The following PDGFD variants were observed in gnomAD, a reference collection of about 807,000 sequenced individuals.
The protein encoded by PDGFD is platelet-derived growth factor D.
PDGFD carries 30 observed loss-of-function variants against 44.7 expected under a neutral mutation model. The ratio of observed to expected loss-of-function variants is 0.67; its 90% CI spans 0.50 to 0.91. The LOEUF (loss-of-function observed/expected upper bound fraction) is 0.91. Ranked by LOEUF, PDGFD falls within the 40% of genes least tolerant of loss-of-function variation. The pLI is 0.00. For synonymous variants in PDGFD, 173 were observed against 168.4 expected, an observed-to-expected ratio of 1.03 and a Z score of -0.21; for missense variants, 445 against 457.8, an observed-to-expected ratio of 0.97 and a Z score of 0.25.
chr11:104,028,489 T>C (rs1209446895), intron 1 of PDGFD, among the ~76,000 whole-genome samples: 1 of 151,300 alleles, frequency 6.6e-6, no homozygotes, highest in Admixed American at 6.6e-5. Flanking sequence ...GATGATCCTG[T>C]TTGCTTTAAA....
At chr11:104,030,340 ATATCT>A (rs2134389070) in intron 1 of PDGFD, among the ~76,000 whole-genome samples, 1 of 152,316 alleles carries the variant, frequency 6.6e-6, no homozygotes, top group East Asian at 1.9e-4. Flanking sequence ...TTCCAATAAA[ATATCT>A]TAATAGGCTG....
chr11:103,922,749 A>T (rs932948094), intron 6 of PDGFD, among the ~76,000 whole-genome samples: 16 of 148,028 alleles, frequency 1.1e-4, no homozygotes, highest in Admixed American at 4.1e-4. Context: ...TTATTTATTT[A>T]TTTTTTTTTT....
intron 1 of PDGFD, among the ~76,000 whole-genome samples, chr11:104,152,925 T>C (rs1360639245): frequency 6.6e-6 from 1 of 152,160 alleles, no homozygotes; most frequent in African/African-American, 2.4e-5. Context: ...TAATCATAAA[T>C]GTTAATTATT....
chr11:104,123,196 A>T (rs1861801448), intron 1 of PDGFD, among the ~76,000 whole-genome samples: 1 of 152,162 alleles, frequency 6.6e-6, no homozygotes, highest in African/African-American at 2.4e-5. Flanking sequence ...CCAGCAGCAT[A>T]GCATTTTAAA....
chr11:104,083,651 T>C (rs1861079757), intron 1 of PDGFD, among the ~76,000 whole-genome samples: 1 of 152,228 alleles, frequency 6.6e-6, no homozygotes, highest in Non-Finnish European at 1.5e-5. Context: ...TTGATCTAAT[T>C]AGCCCATGAT....
rs148957655 is a variant in PDGFD, at chr11:104,154,373, G to C, written c.124+9431C>G. On this transcript the variant is annotated intron_variant, in intron 1 of 6. Transcript: ENST00000393158. ...ATCACCATTTGAAATTTGTCATTTA[G>C]GAGTAGTTAAGACAAACGATGGGCA... is the stretch of plus-strand genomic sequence containing the variant. Among the ~76,000 whole-genome samples the C allele has an allele frequency of 1.9e-3, 287 of 152,266 alleles. 1 individual carries two copies. Among genetic ancestry groups the C allele is most frequent in the Middle Eastern group, 0.01 (3 of 294 alleles).
At chr11:104,107,079 G>A (rs1861481705) in intron 1 of PDGFD, among the ~76,000 whole-genome samples, 1 of 152,110 alleles carries the variant, frequency 6.6e-6, no homozygotes, top group Non-Finnish European at 1.5e-5. Context: ...GGACTCTGAA[G>A]ATGAGACCAC....
chr11:103,951,588 C>T (rs934545225), intron 3 of PDGFD, among the ~76,000 whole-genome samples: 3 of 152,156 alleles, frequency 2.0e-5, no homozygotes, highest in Non-Finnish European at 4.4e-5. Context: ...CTACCTTTCC[C>T]ACTACCTCCA....
At chr11:104,034,668 A>G (rs1860190438) in intron 1 of PDGFD, among the ~76,000 whole-genome samples, 1 of 148,596 alleles carries the variant, frequency 6.7e-6, no homozygotes, top group African/African-American at 2.5e-5. Flanking sequence ...TTTGAGATGG[A>G]GTCTCGCTCT....
chr11:103,946,597 C>A (rs1292583057), intron 4 of PDGFD: 1 of 152,252 alleles, frequency 6.6e-6, no homozygotes, highest in Non-Finnish European at 1.5e-5. Context: ...GAGTTATCAG[C>A]CTCTACTGTG....
At chr11:103,990,074 G>A (rs1449001536) in intron 3 of PDGFD, among the ~76,000 whole-genome samples, 2 of 152,088 alleles carry the variant, frequency 1.3e-5, no homozygotes, top group Admixed American at 1.3e-4. Flanking sequence ...CCATCTAAGT[G>A]CTGAAAGACT....
At chr11:104,034,292 CG>C (rs1201587559) in intron 1 of PDGFD, among the ~76,000 whole-genome samples, 1 of 144,548 alleles carries the variant, frequency 6.9e-6, no homozygotes, top group Non-Finnish European at 1.6e-5. Flanking sequence ...ACATTATTCA[CG>C]TCTGTTTCCC....
chr11:103,964,679 A>G (rs1410759995), intron 3 of PDGFD, among the ~76,000 whole-genome samples: 1 of 152,070 alleles, frequency 6.6e-6, no homozygotes, highest in African/African-American at 2.4e-5. Context: ...TCCAGAGACA[A>G]TGGATCATTT....
intron 1 of PDGFD, among the ~76,000 whole-genome samples, chr11:104,161,424 A>G (rs941742556): frequency 6.6e-6 from 1 of 152,146 alleles, no homozygotes; most frequent in Admixed American, 6.5e-5. Context: ...TTAATAAGTT[A>G]TACTTTCTCT....
Position 104,098,154 on chromosome 11 carries a change from C to T in PDGFD, c.124+65650G>A, listed in dbSNP as rs542630233. ...ATTTCAATCATATAATTTGTTTGAACTTGTAACAAATATGAAAGTATCCAC... is the reference window on the plus strand; with the variant it reads ...ATTTCAATCATATAATTTGTTTGAATTTGTAACAAATATGAAAGTATCCAC... On this transcript the variant is annotated intron_variant, in intron 1 of 6. Coordinates refer to ENST00000393158, the MANE Select transcript of PDGFD (RefSeq NM_025208.5). 6.8e-4 allele frequency among the ~76,000 whole-genome samples: 103 copies of T among 152,226 alleles called. 1 individual carries two copies. The South Asian group carries it at 0.02, about 29-fold the overall frequency.
chr11:104,113,787 T>C (rs1044872689), intron 1 of PDGFD, among the ~76,000 whole-genome samples: 5 of 152,224 alleles, frequency 3.3e-5, no homozygotes, highest in Middle Eastern at 3.4e-3. Flanking sequence ...TTTGGTGTTA[T>C]CACTGCTCTG....
chr11:104,115,808 T>G (rs889849127), intron 1 of PDGFD, among the ~76,000 whole-genome samples: 1 of 152,146 alleles, frequency 6.6e-6, no homozygotes, highest in Admixed American at 6.6e-5. Flanking sequence ...CATTTTTTCA[T>G]TTGTTTGTTG....
chr11:104,092,214 T>C (rs1033008801), intron 1 of PDGFD, among the ~76,000 whole-genome samples: 4 of 152,162 alleles, frequency 2.6e-5, no homozygotes, highest in African/African-American at 9.7e-5. Context: ...AACTACATCA[T>C]GTGGTCTCCC....
intron 3 of PDGFD, among the ~76,000 whole-genome samples, chr11:103,983,181 T>A (rs1031600856): frequency 2.0e-5 from 3 of 151,814 alleles, no homozygotes; most frequent in Non-Finnish European, 4.4e-5. Context: ...CTTACAGGGT[T>A]ACAGTAACCA....
Sources: allele counts gnomAD v4.1 joint callset (sites outside exome capture counted in the v4.1 genomes callset), GRCh38; gene constraint gnomAD v4.1.1; transcripts MANE v1.5; gene names NCBI Gene and HGNC (gene_info 2026-07-23, HGNC 2026-07-21).